PRDM16: variants seen among roughly 807,000 people sequenced by gnomAD.
PRDM16 encodes the protein PR/SET domain 16, also known as histone-lysine N-methyltransferase PRDM16.
A neutral mutation model predicts 110.6 loss-of-function variants in PRDM16; 23 were observed. The observed-to-expected ratio is 0.21, with a 90% CI of 0.15 to 0.29. The LOEUF is 0.29. PRDM16 is among the 10% of genes least tolerant of loss of function. The pLI, the probability that PRDM16 is intolerant of heterozygous loss-of-function variation, is 1.00. For synonymous variants in PRDM16, 799 were observed against 781.8 expected (o/e 1.02, Z -0.37); for missense variants, 1,615 against 1,794.3 (o/e 0.90, Z 1.81).
At chr1:3,263,671 A>T (rs1054281615) in intron 3 of PRDM16, among the ~76,000 whole-genome samples, 6 of 152,206 alleles carry the variant, frequency 3.9e-5, no homozygotes, top group African/African-American at 1.2e-4. Flanking sequence ...CAGATGCCAG[A>T]CCTGACTGGG....
intron 1 of PRDM16, among the ~76,000 whole-genome samples, chr1:3,137,636 G>A (rs1305292511): frequency 6.6e-6 from 1 of 152,232 alleles, no homozygotes; most frequent in Non-Finnish European, 1.5e-5. Context: ...AAGCAGCACT[G>A]GCAGGCTTCC....
intron 1 of PRDM16, among the ~76,000 whole-genome samples, chr1:3,089,185 C>T (rs753860862): frequency 2.6e-5 from 4 of 152,242 alleles, no homozygotes; most frequent in Admixed American, 6.5e-5. Context: ...TCCGACTCGA[C>T]GTCTGAATGG....
Position 3,116,275 on chromosome 1 carries a change from G to C in PRDM16, c.37+46979G>C, listed in dbSNP as rs527280723. 8.3e-4 allele frequency among the ~76,000 whole-genome samples: 126 copies of C among 152,278 alleles called. 1 individual carries two copies. Among genetic ancestry groups the C allele is most frequent in the Non-Finnish European group, 2.9e-5 (2 of 68,010 alleles). On this transcript the variant is annotated intron_variant, in intron 1 of 16. Transcript: ENST00000270722. ...TGTCCCTCTCATGGGGGGACAGTAGGCAGAGCTCCCCGGCTGCCCTGCGCC... is the reference window on the plus strand; with the variant it reads ...TGTCCCTCTCATGGGGGGACAGTAGCCAGAGCTCCCCGGCTGCCCTGCGCC...
At chr1:3,391,411 A>G (rs573107994) in intron 4 of PRDM16, among the ~76,000 whole-genome samples, 1 of 152,134 alleles carries the variant, frequency 6.6e-6, no homozygotes, top group East Asian at 1.9e-4. Context: ...CGCTACGCAA[A>G]CCACCTGTCA....
intron 3 of PRDM16, among the ~76,000 whole-genome samples, chr1:3,303,391 C>T (rs1470042517): frequency 2.0e-5 from 3 of 152,140 alleles, no homozygotes; most frequent in East Asian, 1.9e-4. Context: ...GGTGAACACG[C>T]GTCAGTCTCC....
Position 3,310,925 on chromosome 1 carries a change from CATGT to C in PRDM16, c.438+66789_438+66792del, listed in dbSNP as rs913716528. Among the ~76,000 whole-genome samples the C allele has an allele frequency of 9.2e-5, 14 of 151,754 alleles. 1 individual carries two copies. The East Asian group carries it at 1.4e-3, about 15-fold the overall frequency. On this transcript the variant is annotated intron_variant, in intron 3 of 16. Transcript: ENST00000270722. ...GGGCATGTGTGGGCACGTGTGCATG[CATGT>C]GAGTGTGCGTGTGTGTCTGTGAGAC...
Position 3,243,408 on chromosome 1 carries a change from C to T in PRDM16, c.388-679C>T, listed in dbSNP as rs1274917893. On this transcript the variant is annotated intron_variant, in intron 2 of 16. Transcript: ENST00000270722. This position sits in a 1 kb window ranked among gnomAD's most constrained non-coding sequence, Gnocchi z 5.5. ...AAAAAAAGAGGAAGCAGAGAAATGG[C>T]ATGAGCTCCCTCTCCCTCCAGCACC... Among the ~76,000 whole-genome samples the T allele has an allele frequency of 1.3e-5, 2 of 151,228 alleles. No individual in the cohort carries two copies. Among genetic ancestry groups the T allele is most frequent in the East Asian group, 1.9e-4 (1 of 5,168 alleles).
rs2100798215 is a variant in PRDM16 at position 3,186,406 on chromosome 1, G to A, written c.319G>A (p.Gly107Arg). The A allele has an allele frequency of 3.7e-6, 6 of 1,601,872 alleles. No individual in the cohort carries two copies. Among genetic ancestry groups the A allele is most frequent in the Non-Finnish European group, 5.1e-6 (6 of 1,174,836 alleles). Residue 107 changes from glycine (G) to arginine (R), a missense_variant, in exon 2 of 17, where the codon GGG (glycine) becomes AGG (arginine). Coordinates refer to ENST00000270722, the MANE Select transcript of PRDM16 (RefSeq NM_022114.4). Reference protein sequence around the residue: ...GVWAKRKMEAGERLGPCVVVP... With the variant: ...GVWAKRKMEARERLGPCVVVP... ...CTGGGCCAAGAGGAAGATGGAAGCC[G>A]GGGAGAGGCTGGGCCCCTGCGTGGT...
chr1:3,234,118 G>A (rs1035105024), intron 2 of PRDM16, among the ~76,000 whole-genome samples: 4 of 152,164 alleles, frequency 2.6e-5, no homozygotes, highest in African/African-American at 9.7e-5. Context: ...AGTGTGTTCA[G>A]GGCTTGGGCT....
intron 3 of PRDM16, among the ~76,000 whole-genome samples, chr1:3,313,290 G>A (rs1385847365): frequency 6.6e-6 from 1 of 152,220 alleles, no homozygotes; most frequent in South Asian, 2.1e-4. Flanking sequence ...AGCCCCACTC[G>A]CCGTCACGAT....
At chr1:3,309,768 C>G (rs1474589472) in intron 3 of PRDM16, 1 of 152,124 alleles carries the variant, frequency 6.6e-6, no homozygotes, top group Non-Finnish European at 1.5e-5. Context: ...CTGCCCTGGG[C>G]TAGGAGCAGA....
chr1:3,218,602 G>A (rs1040523074), intron 2 of PRDM16, among the ~76,000 whole-genome samples: 4 of 152,228 alleles, frequency 2.6e-5, no homozygotes, highest in African/African-American at 9.6e-5. Context: ...CCTTAGAAAG[G>A]GATGTTCTCT....
chr1:3,132,672 C>T (rs1643358186), intron 1 of PRDM16, among the ~76,000 whole-genome samples: 2 of 152,162 alleles, frequency 1.3e-5, no homozygotes, highest in African/African-American at 2.4e-5. Context: ...TACTGTTGCC[C>T]GAGAAGTCAA....
In PRDM16 at chr1:3,373,751, C is replaced by T. The variant is rs545692519; in HGVS notation, c.439-11401C>T. On this transcript the variant is annotated intron_variant, in intron 3 of 16. Transcript: ENST00000270722. ...GCAAACCCACTCCAGCCTGCACCTC[C>T]GTGAGAAAAACAGCAGGGATTGCAG... Among the ~76,000 whole-genome samples the T allele has an allele frequency of 1.8e-4, 27 of 152,326 alleles. 1 individual carries two copies. The highest frequency in any genetic ancestry group is 5.8e-4 in the African/African-American group (24 of 41,576).
chr1:3,098,966 C>G (rs2100613767), intron 1 of PRDM16, among the ~76,000 whole-genome samples: 1 of 152,340 alleles, frequency 6.6e-6, no homozygotes, highest in African/African-American at 2.4e-5. Flanking sequence ...AGCGGCCTCA[C>G]TGAGGAGGGC....
intron 1 of PRDM16, among the ~76,000 whole-genome samples, chr1:3,178,617 T>C (rs2100774028): frequency 6.6e-6 from 1 of 152,320 alleles, no homozygotes; most frequent in South Asian, 2.1e-4. Context: ...CTCGACATTT[T>C]AGAAAAGCCT....
intron 1 of PRDM16, among the ~76,000 whole-genome samples, chr1:3,135,316 C>T (rs1475363745): frequency 6.6e-6 from 1 of 152,154 alleles, no homozygotes; most frequent in Non-Finnish European, 1.5e-5. Context: ...GGGCGGGCCA[C>T]GTGAGGCCCT....
At chr1:3,217,001 C>A (rs1315295953) in intron 2 of PRDM16, among the ~76,000 whole-genome samples, 1 of 152,270 alleles carries the variant, frequency 6.6e-6, no homozygotes, top group Non-Finnish European at 1.5e-5. Flanking sequence ...TAGCCTAGCA[C>A]TGTTCCATGT....
chr1:3,093,956 GA>G (rs1642334104), intron 1 of PRDM16, among the ~76,000 whole-genome samples: 1 of 152,232 alleles, frequency 6.6e-6, no homozygotes, highest in African/African-American at 2.4e-5. Flanking sequence ...GAATTTTTTA[GA>G]AGTTGCCATG....
Sources: allele counts gnomAD v4.1 joint callset (sites outside exome capture counted in the v4.1 genomes callset), GRCh38; gene constraint gnomAD v4.1.1; non-coding constraint Gnocchi (gnomAD v3.1); transcripts MANE v1.5; gene names NCBI Gene and HGNC (gene_info 2026-07-23, HGNC 2026-07-21).